Variants in PTGES3 observed in about 807,000 individuals in gnomAD.
The protein encoded by PTGES3 is Hsp90 co-chaperone.
Under a neutral mutation model 29.9 loss-of-function variants are expected in PTGES3, and 5 were observed. The observed-to-expected ratio is 0.17, with a 90% confidence interval of 0.09 to 0.35. The LOEUF (loss-of-function observed/expected upper bound fraction) is 0.35, where lower values mean the gene tolerates loss of function less well. PTGES3 is among the 10% of genes least tolerant of loss of function. PTGES3 has a pLI of 1.00. For missense variants in PTGES3, 128 were observed against 190.0 expected, an observed-to-expected ratio of 0.67 and a Z score of 1.92; for synonymous variants, 49 against 57.8, an observed-to-expected ratio of 0.85 and a Z score of 0.69.
In PTGES3 at chr12:56,688,226, G is replaced by A. The variant is rs528316507; in HGVS notation, c.-227C>T. ...CGGTCGGGGAGAAGAGGAAAGTGTA[G>A]GAAAAGGGGCGCGAGGACGGAGAAT... is the stretch of plus-strand genomic sequence containing the variant. On this transcript the variant is annotated 5_prime_UTR_variant, in exon 1 of 8. Coordinates refer to ENST00000262033, the MANE Select transcript of PTGES3 (RefSeq NM_006601.7). The A allele has an allele frequency of 4.2e-6, 3 of 722,732 alleles. No homozygotes were observed. The highest frequency in any genetic ancestry group is 5.4e-5 in the South Asian group (2 of 37,320). 44.8% of individuals were successfully genotyped at this position (722,732 alleles called of 1,614,324 possible). A position where few individuals can be genotyped will look rare whatever the true frequency, so the allele number is the denominator to read the frequency against.
intron 1 of PTGES3, chr12:56,686,953 G>A (rs1952892871): frequency 1.7e-5 from 3 of 179,348 alleles, no homozygotes; most frequent in Non-Finnish European, 3.1e-5. Context: ...CACCTTAATT[G>A]TTCTCCATAC....
intron 5 of PTGES3, among the ~76,000 whole-genome samples, chr12:56,668,590 G>A (rs542737106): frequency 1.2e-4 from 18 of 152,238 alleles, no homozygotes; most frequent in African/African-American, 2.6e-4. Flanking sequence ...TGGTGGCACC[G>A]ATTTCTACAG....
intron 1 of PTGES3, among the ~76,000 whole-genome samples, chr12:56,687,084 G>T (rs1163906859): frequency 1.3e-5 from 2 of 150,162 alleles, no homozygotes; most frequent in African/African-American, 4.9e-5. Context: ...AATTCTTACC[G>T]GTTAAAATCG....
intron 1 of PTGES3, chr12:56,687,630 C>T (rs1216330198): frequency 8.8e-7 from 1 of 1,139,944 alleles, no homozygotes; most frequent in East Asian, 5.6e-5. Context: ...AGCGCCCAAG[C>T]AGCCGAGAGG....
At position 56,663,628 on chromosome 12, in the gene PTGES3, T is replaced by C. The variant is rs1438794979; in HGVS notation, c.*851A>G. ...TTCCAACAGTTTATTAGAAAGAATG[T>C]AGACATTTAAAAAAATCCCCACTGT... On this transcript the variant is annotated 3_prime_UTR_variant, in exon 8 of 8. Coordinates refer to ENST00000262033, the MANE Select transcript of PTGES3 (RefSeq NM_006601.7). The C allele has an allele frequency of 6.6e-6, 1 of 152,610 alleles. No individual in the cohort carries two copies. The highest frequency in any genetic ancestry group is 2.4e-5 in the African/African-American group (1 of 41,452). 9.5% of individuals were successfully genotyped at this position (152,610 alleles called of 1,614,324 possible).
intron 1 of PTGES3, among the ~76,000 whole-genome samples, chr12:56,675,128 C>T (rs1477940697): frequency 3.3e-5 from 5 of 151,334 alleles, no homozygotes; most frequent in Non-Finnish European, 5.9e-5. Flanking sequence ...AGTAAAACCC[C>T]GTCTCTACTA....
chr12:56,683,473 C>CAAAAAAAAAAAAAAAAAAAAAAAAAAA (rs71081388), intron 1 of PTGES3, among the ~76,000 whole-genome samples: 2 of 29,750 alleles, frequency 6.7e-5, no homozygotes, highest in Non-Finnish European at 6.3e-5. Flanking sequence ...AACTCTGTCT[C>CAAAAAAAAAAAAAAAAAAAAAAAAAAA]AAAAAAAAAA....
At position 56,664,517 on chromosome 12, in the gene PTGES3, A is replaced by C. The variant is rs956014227; in HGVS notation, c.464-19T>G. 6.3e-7 allele frequency: 1 copy of C among 1,592,048 alleles called. No individual in the cohort carries two copies. ...GGCATTTCTGAAAGAATTTTTAAAA[A>C]TATTAGTATATAGTACAAGTGAATA... On this transcript the variant is annotated intron_variant, in intron 7 of 7. Coordinates refer to ENST00000262033, the MANE Select transcript of PTGES3 (RefSeq NM_006601.7).
At chr12:56,664,625 C>G (rs1951722772) in intron 7 of PTGES3, 127 bp from the exon 8 acceptor site, 2 of 1,370,594 alleles carry the variant, frequency 1.5e-6, no homozygotes, top group South Asian at 2.6e-5. Flanking sequence ...GGTTGTCTTG[C>G]TATCAAGTTA....
intron 1 of PTGES3, among the ~76,000 whole-genome samples, chr12:56,674,865 G>A (rs1458606117): frequency 1.4e-4 from 16 of 116,676 alleles, no homozygotes; most frequent in African/African-American, 4.3e-4. Context: ...TTCGCCAGGC[G>A]TGGTGGTGCA....
intron 6 of PTGES3, chr12:56,665,946 G>A (rs566059096): frequency 3.5e-4 from 401 of 1,134,586 alleles, no homozygotes; most frequent in Middle Eastern, 1.5e-3. Flanking sequence ...AATTGAGTAC[G>A]GTATTAATAT....
chr12:56,668,825 ATACAC>A (rs149302689), intron 5 of PTGES3, among the ~76,000 whole-genome samples: 2,588 of 152,248 alleles, frequency 0.017, 31 homozygotes, highest in Middle Eastern at 0.037. Context: ...CATTCGACTT[ATACAC>A]TAATGTTCTT....
rs1197275459 is a variant in PTGES3, at chr12:56,664,174, G to A, written c.*305C>T. Reference sequence around the variant, plus strand: ...TATGTTATGAAGAAAAGGAGACTTAGGTGAGATGTTTTTATTTATCGCAAC... The same window carrying A: ...TATGTTATGAAGAAAAGGAGACTTAAGTGAGATGTTTTTATTTATCGCAAC... On this transcript the variant is annotated 3_prime_UTR_variant, in exon 8 of 8. Transcript: ENST00000262033. The A allele has an allele frequency of 4.0e-6, 1 of 250,934 alleles. No homozygotes were observed. Among genetic ancestry groups the A allele is most frequent in the African/African-American group, 2.3e-5 (1 of 43,048 alleles). The allele number at this position is 250,934 out of a possible 1,614,324, so 15.5% of individuals were successfully genotyped here.
chr12:56,680,924 C>T (rs1410775001), intron 1 of PTGES3, among the ~76,000 whole-genome samples: 1 of 151,864 alleles, frequency 6.6e-6, no homozygotes, highest in African/African-American at 2.4e-5. Flanking sequence ...ACCACAGATA[C>T]ATGCTACCAC....
At chr12:56,687,858 A>C in intron 1 of PTGES3, 140 bp downstream of exon 1, 1 of 1,523,400 alleles carries the variant, frequency 6.6e-7, no homozygotes, top group Non-Finnish European at 8.7e-7. Flanking sequence ...AACCGGAACA[A>C]GGATCCTGGA....
At chr12:56,681,495 G>C (rs1347140020) in intron 1 of PTGES3, among the ~76,000 whole-genome samples, 3 of 117,588 alleles carry the variant, frequency 2.6e-5, no homozygotes, top group African/African-American at 1.0e-4. Flanking sequence ...CAAAGATCAC[G>C]CCACTGCACT....
At position 56,688,014 on chromosome 12, in the gene PTGES3, G is replaced by T; in HGVS notation, c.-15C>A. 1 of 1,544,632 alleles carries T rather than the reference G, an allele frequency of 6.5e-7. No homozygotes were observed. The highest frequency in any genetic ancestry group is 8.7e-7 in the Non-Finnish European group (1 of 1,144,600). On this transcript the variant is annotated 5_prime_UTR_variant, in exon 1 of 8. Coordinates refer to ENST00000262033, the MANE Select transcript of PTGES3 (RefSeq NM_006601.7). ...CGCACTCACATTGTGAACGGGGCAG[G>T]GGGACGGGCGAACTGGTGGGCGGGC...
Position 56,672,803 on chromosome 12 carries a change from G to T in PTGES3, c.123C>A (p.Leu41=). Residue 41 remains leucine, a synonymous_variant, in exon 3 of 8, where the codon CTC becomes CTA. Transcript: ENST00000262033. ...FEKSKLTFSC[L]GGSDNFKHLN... is the part of the protein sequence containing the mutation. The stretch of plus-strand genomic sequence containing the variant: ...AATGCTTAAAATTATCACTTCCTCC[G>T]AGACAACTGTATAAAATAATAAAGA... The T allele has an allele frequency of 1.3e-6, 2 of 1,580,390 alleles. No individual in the cohort carries two copies. Among genetic ancestry groups the T allele is most frequent in the South Asian group, 1.2e-5 (1 of 85,740 alleles).
chr12:56,664,797 A>T lies in PTGES3; in HGVS notation c.442T>A (p.Ser148Thr). The change falls in exon 7 of 8, where the codon TCA becomes ACA. Residue 148 changes from serine (S) to threonine (T), a missense_variant. Ser to Thr is a moderately conservative substitution (Grantham distance 58). Coordinates refer to ENST00000262033, the MANE Select transcript of PTGES3 (RefSeq NM_006601.7). ...LPEVDGADDD[S>T]QDSDDEKMPD... ...TTACTTTCATCATCACTGTCTTGTG[A>T]ATCCTGAAAGAGGGAAAATAAAGTT... 6.3e-7 allele frequency: 1 copy of T among 1,597,926 alleles called. No individual in the cohort carries two copies. The highest frequency in any genetic ancestry group is 8.6e-7 in the Non-Finnish European group (1 of 1,168,410).
Sources: gnomAD v4.1 joint callset for allele counts (sites outside exome capture counted in the v4.1 genomes callset) on GRCh38, gnomAD v4.1.1 for gene constraint, MANE v1.5 for transcripts, NCBI Gene and HGNC (gene_info 2026-07-23, HGNC 2026-07-21) for gene names.